AXL: variants seen among roughly 807,000 people sequenced by gnomAD.
AXL encodes the protein AXL receptor tyrosine kinase.
Under a neutral mutation model 104.5 loss-of-function variants are expected in AXL, and 52 were observed. That is an observed-to-expected ratio of 0.50 (90% confidence interval 0.40 to 0.63). The LOEUF (loss-of-function observed/expected upper bound fraction) is 0.63. AXL is among the 20% of genes least tolerant of loss of function. The pLI is 0.00. For synonymous variants in AXL, 455 were observed against 473.7 expected (o/e 0.96, Z 0.51); for missense variants, 1,024 against 1,188.5 (o/e 0.86, Z 2.04).
intron 4 of AXL, 113 bp downstream of exon 4, chr19:41,222,169 ACTGT>A (rs995859214): frequency 4.3e-6 from 5 of 1,168,350 alleles, no homozygotes; most frequent in South Asian, 1.7e-5. Context: ...TCTGTCCCTC[ACTGT>A]CTGTCTCTCT....
chr19:41,254,641 A>C (rs536349538), intron 17 of AXL, among the ~76,000 whole-genome samples: 2 of 151,270 alleles, frequency 1.3e-5, no homozygotes, highest in East Asian at 4.0e-4. Context: ...AGTCTTGGCC[A>C]GGCGCAGTGG....
intron 19 of AXL, among the ~76,000 whole-genome samples, chr19:41,258,897 C>A (rs914717932): frequency 8.5e-5 from 13 of 152,192 alleles, no homozygotes; most frequent in South Asian, 2.1e-4. Flanking sequence ...ACAAAGATAT[C>A]ACTGGGGGCT....
At chr19:41,237,687 A>T (rs1388593388) in intron 6 of AXL, among the ~76,000 whole-genome samples, 1 of 152,232 alleles carries the variant, frequency 6.6e-6, no homozygotes, top group East Asian at 1.9e-4. Context: ...GTGCCCAAGG[A>T]AAAAACTGAG....
Position 41,260,787 on chromosome 19 carries a change from A to G in AXL, c.*883A>G, listed in dbSNP as rs925978296. Reference sequence around the variant, plus strand: ...CTAGAGTTCAGAGTCCTTAAAATGTAAGATTATAGATTCTAAAGATTCTAT... The same window carrying G: ...CTAGAGTTCAGAGTCCTTAAAATGTGAGATTATAGATTCTAAAGATTCTAT... On this transcript the variant is annotated 3_prime_UTR_variant, in exon 20 of 20. Coordinates refer to ENST00000301178, the MANE Select transcript of AXL (RefSeq NM_021913.5). 6.6e-6 allele frequency: 1 copy of G among 152,174 alleles called. No individual in the cohort carries two copies. The highest frequency in any genetic ancestry group is 1.5e-5 in the Non-Finnish European group (1 of 68,036). 9.4% of individuals were successfully genotyped at this position (152,174 alleles called of 1,614,324 possible).
chr19:41,248,384 A>C (rs1378795791), intron 12 of AXL, 130 bp from the exon 13 acceptor site: 2 of 872,932 alleles, frequency 2.3e-6, no homozygotes, highest in African/African-American at 3.3e-5. Context: ...TGCTCAGGGC[A>C]GTTGCTAATT....
chr19:41,234,039 C>G (rs1158697832), intron 6 of AXL, among the ~76,000 whole-genome samples: 1 of 152,034 alleles, frequency 6.6e-6, no homozygotes, highest in African/African-American at 2.4e-5. Flanking sequence ...AGAGGTTCCT[C>G]TTCCTGTCTG....
At chr19:41,221,741 G>A (rs2033794290) in intron 3 of AXL, 139 bp from the exon 4 acceptor site, 1 of 876,672 alleles carries the variant, frequency 1.1e-6, no homozygotes, top group Non-Finnish European at 1.7e-6. Context: ...TGGCTCAGGT[G>A]CCCTCGGGGA....
chr19:41,243,661 G>C lies in AXL; in HGVS notation c.1491G>C (p.Arg497Ser), dbSNP rs2034222588. The C allele has an allele frequency of 6.2e-7, 1 of 1,613,966 alleles. No individual in the cohort carries two copies. The highest frequency in any genetic ancestry group is 8.5e-7 in the Non-Finnish European group (1 of 1,180,016). The change falls in exon 12 of 20, where the codon AGG (arginine) becomes AGC (serine). Residue 497 changes from arginine (R) to serine (S), a missense_variant. Arg to Ser is a moderately radical substitution (Grantham distance 110). This residue lies in a region of AXL where 523 missense variants were observed against 636.0 expected (regional missense o/e 0.82). Coordinates refer to ENST00000301178, the MANE Select transcript of AXL (RefSeq NM_021913.5). ...TGGAAAGAGGTGAACTGGTAGTCAGGTACCGCGTGCGCAAGTCCTACAGTC... is the reference window on the plus strand; with the variant it reads ...TGGAAAGAGGTGAACTGGTAGTCAGCTACCGCGTGCGCAAGTCCTACAGTC... ...PTVERGELVVRYRVRKSYSRR... is the reference protein window; with the variant it reads ...PTVERGELVVSYRVRKSYSRR...
Position 41,221,212 on chromosome 19 carries a change from C to A in AXL, c.375C>A (p.Thr125=). The A allele has an allele frequency of 5.6e-6, 9 of 1,614,044 alleles. No homozygotes were observed. The highest frequency in any genetic ancestry group is 7.6e-6 in the Non-Finnish European group (9 of 1,180,002). ...GTTTGGTGTTTCTGGGACATCAGAC[C>A]TTCGTGTCCCAGCCTGGCTATGTTG... ...YQCLVFLGHQ[T]FVSQPGYVGL... Residue 125 remains threonine (T), a synonymous_variant, in exon 3 of 20, where the codon ACC becomes ACA. Transcript: ENST00000301178.
intron 10 of AXL, among the ~76,000 whole-genome samples, chr19:41,240,725 C>A (rs1021708506): frequency 6.6e-6 from 1 of 152,110 alleles, no homozygotes; most frequent in East Asian, 1.9e-4. Context: ...CCCACATGAC[C>A]CCAAAGGCCC....
intron 12 of AXL, among the ~76,000 whole-genome samples, chr19:41,246,518 A>G (rs2034273275): frequency 6.6e-6 from 1 of 151,530 alleles, no homozygotes; most frequent in Non-Finnish European, 1.5e-5. Flanking sequence ...TGTGGGCAAC[A>G]TGGCAAAACC....
In AXL at chr19:41,260,002, C is replaced by T. The variant is rs1444169278; in HGVS notation, c.*98C>T. ...CACTTTCCCACCCCACGCCTTATCC[C>T]CACTTGCAGCCCTGTCTTCCTACCT... On this transcript the variant is annotated 3_prime_UTR_variant, in exon 20 of 20. Transcript: ENST00000301178. 3 of 1,124,152 alleles carry T rather than the reference C, an allele frequency of 2.7e-6. No individual in the cohort carries two copies. The highest frequency in any genetic ancestry group is 3.7e-6 in the Non-Finnish European group (3 of 807,690). 69.6% of individuals were successfully genotyped at this position (1,124,152 alleles called of 1,614,324 possible). A position where few individuals can be genotyped will look rare whatever the true frequency, so the allele number is the denominator to read the frequency against.
chr19:41,239,787 T>G (rs1310616662), intron 10 of AXL, 67 bp downstream of exon 10: 1 of 1,571,788 alleles, frequency 6.4e-7, no homozygotes, highest in African/African-American at 1.4e-5. Flanking sequence ...ACTGTCACCA[T>G]GCATACTCAT....
intron 17 of AXL, among the ~76,000 whole-genome samples, chr19:41,256,095 G>GTGTT (rs1353400594): frequency 6.6e-6 from 1 of 152,048 alleles, no homozygotes; most frequent in Non-Finnish European, 1.5e-5. Flanking sequence ...GTGTGTGTGT[G>GTGTT]TGTGTGAAAA....
intron 7 of AXL, 127 bp downstream of exon 7, chr19:41,238,281 C>T: frequency 7.0e-7 from 1 of 1,423,048 alleles, no homozygotes; most frequent in Non-Finnish European, 9.8e-7. Flanking sequence ...CATCCAATCT[C>T]TGACCCCTCA....
Position 41,239,722 on chromosome 19 carries a change from T to A in AXL, c.1312+2T>A, listed in dbSNP as rs2034148042. On this transcript the variant is annotated splice_donor_variant, in intron 10 of 19. Coordinates refer to ENST00000301178, the MANE Select transcript of AXL (RefSeq NM_021913.5). LOFTEE classifies it high-confidence loss of function. ...AAGCACAGCCAGTCCACCAGCTGGG[T>A]AAGGGCTTCCACACCCCATCTCCTC... 1 of 1,614,024 alleles carries A rather than the reference T, an allele frequency of 6.2e-7. No individual in the cohort carries two copies. The highest frequency in any genetic ancestry group is 8.5e-7 in the Non-Finnish European group (1 of 1,180,026).
At chr19:41,219,696 G>A (rs896652338) in intron 1 of AXL, among the ~76,000 whole-genome samples, 1 of 148,846 alleles carries the variant, frequency 6.7e-6, no homozygotes, top group Non-Finnish European at 1.5e-5. Flanking sequence ...GGGCAGGGGG[G>A]ACAGAAGAGA....
intron 3 of AXL, 44 bp from the exon 4 acceptor site, chr19:41,221,836 G>A (rs2122198082): frequency 1.3e-6 from 2 of 1,593,972 alleles, no homozygotes; most frequent in Non-Finnish European, 1.7e-6. Context: ...GGCATCTTGG[G>A]GCCTCAGAGG....
chr19:41,257,044 A>G (rs1203072124), intron 18 of AXL, among the ~76,000 whole-genome samples: 1 of 151,854 alleles, frequency 6.6e-6, no homozygotes, highest in African/African-American at 2.4e-5. Flanking sequence ...TTTTATATAT[A>G]TATATTTTTC....
Sources: gnomAD v4.1 joint callset for allele counts (sites outside exome capture counted in the v4.1 genomes callset) on GRCh38, gnomAD v4.1.1 for gene constraint, gnomAD v4.1.1 regional missense constraint, MANE v1.5 for transcripts, NCBI Gene and HGNC (gene_info 2026-07-23, HGNC 2026-07-21) for gene names.